STAG1: variants seen among roughly 807,000 people sequenced by gnomAD.
The protein encoded by STAG1 is STAG1 cohesin complex component.
A neutral mutation model predicts 170.9 loss-of-function variants in STAG1; 26 were observed. That is an observed-to-expected ratio of 0.15 (90% CI 0.11 to 0.21). The LOEUF (loss-of-function observed/expected upper bound fraction) is 0.21, where lower values mean the gene tolerates loss of function less well. Ranked by LOEUF, STAG1 falls within the 10% of genes least tolerant of loss-of-function variation. The pLI is 1.00. For synonymous variants in STAG1, 514 were observed against 497.7 expected, an observed-to-expected ratio of 1.03 and a Z score of -0.44; for missense variants, 964 against 1,509.5, an observed-to-expected ratio of 0.64 and a Z score of 5.99.
chr3:136,569,443 G>A (rs1438769775), intron 4 of STAG1, among the ~76,000 whole-genome samples: 1 of 149,542 alleles, frequency 6.7e-6, no homozygotes, highest in Non-Finnish European at 1.5e-5. Flanking sequence ...AGGAAAATTA[G>A]GGTTCAATAA....
At chr3:136,430,626 TA>T (rs11311172) in intron 16 of STAG1, among the ~76,000 whole-genome samples, 84,816 of 131,612 alleles carry the variant, frequency 0.64, 26,476 homozygotes, top group East Asian at 0.82. Flanking sequence ...CTGAAGAGCT[TA>T]AAAAAAAAAA....
At chr3:136,605,846 C>T (rs1420476296) in intron 3 of STAG1, among the ~76,000 whole-genome samples, 1 of 152,184 alleles carries the variant, frequency 6.6e-6, no homozygotes, top group Non-Finnish European at 1.5e-5. Context: ...TAGAGGAACA[C>T]TACAAGGCAT....
At position 136,521,384 on chromosome 3, in the gene STAG1, G is replaced by T; in HGVS notation, c.505C>A (p.Pro169Thr). 1 of 1,613,506 alleles carries T rather than the reference G, an allele frequency of 6.2e-7. No individual in the cohort carries two copies. The highest frequency in any genetic ancestry group is 2.2e-5 in the East Asian group (1 of 44,834). Residue 169 changes from proline (P) to threonine (T), a missense_variant, in exon 7 of 34, where the codon CCT (proline) becomes ACT (threonine). Around this residue, in one of 11 missense-constraint regions of STAG1, gnomAD observed 40 missense variants for 44.1 expected, o/e 0.91. Coordinates refer to ENST00000383202, the MANE Select transcript of STAG1 (RefSeq NM_005862.3). The part of the protein sequence containing the change: ...SGDYPLTMPG[P>T]QWKKFRSNFC... ...TTTGAACGAAATTTTTTCCACTGAGGTCCAGGCATGGTAAGAGGATAATCA... is the reference window on the plus strand; with the variant it reads ...TTTGAACGAAATTTTTTCCACTGAGTTCCAGGCATGGTAAGAGGATAATCA...
At chr3:136,519,800 A>T (rs1934581068) in intron 7 of STAG1, among the ~76,000 whole-genome samples, 1 of 152,146 alleles carries the variant, frequency 6.6e-6, no homozygotes, top group Non-Finnish European at 1.5e-5. Context: ...TTTCTTCCTG[A>T]TAATGAGGAA....
intron 23 of STAG1, among the ~76,000 whole-genome samples, chr3:136,374,554 T>C (rs535772153): frequency 7.4e-4 from 113 of 152,010 alleles, no homozygotes; most frequent in Non-Finnish European, 1.3e-3. Flanking sequence ...GAGGTGGAGG[T>C]TGGGGTGACC....
chr3:136,383,779 C>T (rs1938107171), intron 22 of STAG1, among the ~76,000 whole-genome samples: 1 of 151,944 alleles, frequency 6.6e-6, no homozygotes, highest in East Asian at 2.0e-4. Context: ...CACGGTGAAA[C>T]CCCGTCTCTA....
At chr3:136,401,382 T>A (rs2087320291) in intron 21 of STAG1, among the ~76,000 whole-genome samples, 1 of 152,226 alleles carries the variant, frequency 6.6e-6, no homozygotes, top group Non-Finnish European at 1.5e-5. Flanking sequence ...AGGGACAAAA[T>A]CCTATTCCTG....
At chr3:136,443,882 C>T (rs2088701993) in intron 14 of STAG1, among the ~76,000 whole-genome samples, 1 of 152,186 alleles carries the variant, frequency 6.6e-6, no homozygotes, top group Admixed American at 6.5e-5. Flanking sequence ...CTCCATCTCT[C>T]CACTATTCTA....
chr3:136,726,079 G>T (rs1420707477), intron 1 of STAG1, among the ~76,000 whole-genome samples: 1 of 152,064 alleles, frequency 6.6e-6, no homozygotes, highest in African/African-American at 2.4e-5. Context: ...CCTCCCTCTT[G>T]CATTCCCCAC....
At chr3:136,495,381 T>A (rs949652806) in intron 9 of STAG1, among the ~76,000 whole-genome samples, 1 of 152,056 alleles carries the variant, frequency 6.6e-6, no homozygotes, top group Non-Finnish European at 1.5e-5. Flanking sequence ...ATCTTAGGGG[T>A]TAGGCAATGT....
intron 4 of STAG1, among the ~76,000 whole-genome samples, chr3:136,592,026 T>C (rs1938211008): frequency 6.6e-6 from 1 of 152,032 alleles, no homozygotes; most frequent in African/African-American, 2.4e-5. Flanking sequence ...TAGTCCTGGG[T>C]CAAAACCATC....
At chr3:136,486,648 T>C (rs2090018802) in intron 9 of STAG1, among the ~76,000 whole-genome samples, 1 of 152,152 alleles carries the variant, frequency 6.6e-6, no homozygotes, top group African/African-American at 2.4e-5. Context: ...AGTCAATAGG[T>C]ACAGCATGCT....
chr3:136,511,319 T>C (rs1934052718), intron 7 of STAG1, among the ~76,000 whole-genome samples: 1 of 152,174 alleles, frequency 6.6e-6, no homozygotes, highest in African/African-American at 2.4e-5. Flanking sequence ...GGAATATAAA[T>C]CATTCTATCA....
At chr3:136,368,968 G>A (rs937892398) in intron 24 of STAG1, 140 bp downstream of exon 24, 55 of 622,770 alleles carry the variant, frequency 8.8e-5, no homozygotes, top group Non-Finnish European at 1.2e-4. Context: ...TAGGATTACT[G>A]GTGTCAGCCA....
intron 20 of STAG1, 81 bp from the exon 21 acceptor site, chr3:136,418,053 A>G: frequency 9.1e-7 from 1 of 1,094,854 alleles, no homozygotes; most frequent in Non-Finnish European, 1.4e-6. Flanking sequence ...TGAGTGGAAG[A>G]ATAAAATAAT....
At chr3:136,383,969 AAAAAG>A (rs1182464885) in intron 22 of STAG1, among the ~76,000 whole-genome samples, 3 of 151,326 alleles carry the variant, frequency 2.0e-5, no homozygotes, top group Non-Finnish European at 4.4e-5. Flanking sequence ...AAAAAAAAAA[AAAAAG>A]AAACAGAAAC....
At chr3:136,614,926 C>T (rs1165862186) in intron 3 of STAG1, among the ~76,000 whole-genome samples, 2 of 151,948 alleles carry the variant, frequency 1.3e-5, no homozygotes, top group Non-Finnish European at 2.9e-5. Flanking sequence ...AAATTTTATA[C>T]ATACACAATT....
chr3:136,387,156 G>T (rs1047875570), intron 22 of STAG1, among the ~76,000 whole-genome samples: 1 of 152,228 alleles, frequency 6.6e-6, no homozygotes, highest in Non-Finnish European at 1.5e-5. Flanking sequence ...AACTTTTTGT[G>T]TTAAGGATCA....
At chr3:136,397,252 G>A (rs2087190792) in intron 22 of STAG1, among the ~76,000 whole-genome samples, 1 of 152,184 alleles carries the variant, frequency 6.6e-6, no homozygotes, top group Non-Finnish European at 1.5e-5. Flanking sequence ...TAATTCCAAT[G>A]TGAAGTATTT....
Sources: allele counts gnomAD v4.1 joint callset (sites outside exome capture counted in the v4.1 genomes callset), GRCh38; gene constraint gnomAD v4.1.1; regional missense constraint gnomAD v4.1.1; transcripts MANE v1.5; gene names NCBI Gene and HGNC (gene_info 2026-07-23, HGNC 2026-07-21).